Variants in SPAG16 observed in about 807,000 individuals in gnomAD.
SPAG16 encodes sperm associated antigen 16.
A neutral mutation model predicts 80.4 loss-of-function variants in SPAG16; 86 were observed. The observed-to-expected ratio is 1.07, with a 90% CI of 0.90 to 1.28. The LOEUF (loss-of-function observed/expected upper bound fraction) is 1.28, where lower values mean the gene tolerates loss of function less well. SPAG16 is among the 50% of genes most tolerant of loss of function. The probability of loss-of-function intolerance (pLI) is 0.00; values close to 1 mark genes in which losing one functional copy is unlikely to be tolerated. For synonymous variants in SPAG16, 294 were observed against 265.9 expected (o/e 1.11, Z -1.03); for missense variants, 870 against 765.3 (o/e 1.14, Z -1.61).
chr2:213,531,489 G>A (rs1045820250), intron 10 of SPAG16, among the ~76,000 whole-genome samples: 17 of 151,814 alleles, frequency 1.1e-4, no homozygotes, highest in African/African-American at 4.1e-4. Flanking sequence ...AGGCACGTGG[G>A]GAGTAGCTGC....
intron 13 of SPAG16, among the ~76,000 whole-genome samples, chr2:214,080,164 AGT>A (rs1417994690): frequency 1.3e-5 from 2 of 152,204 alleles, no homozygotes. Flanking sequence ...AGTAAACAAA[AGT>A]GAGGCTGAGA....
intron 13 of SPAG16, among the ~76,000 whole-genome samples, chr2:214,059,728 A>G (rs1365602434): frequency 6.8e-6 from 1 of 147,928 alleles, no homozygotes; most frequent in African/African-American, 2.5e-5. Flanking sequence ...TCCTCAGGTT[A>G]CTTATACCCT....
intron 11 of SPAG16, among the ~76,000 whole-genome samples, chr2:213,888,571 A>C (rs2106065100): frequency 6.6e-6 from 1 of 151,814 alleles, no homozygotes; most frequent in African/African-American, 2.4e-5. Context: ...GGACAATGTA[A>C]GTACACATGA....
chr2:214,170,800 C>T (rs972509364), intron 15 of SPAG16, among the ~76,000 whole-genome samples: 2 of 151,966 alleles, frequency 1.3e-5, no homozygotes, highest in Non-Finnish European at 2.9e-5. Flanking sequence ...TTATTGTCTG[C>T]ACACTTCAAA....
At chr2:214,099,659 A>T (rs1023242171) in intron 13 of SPAG16, among the ~76,000 whole-genome samples, 1 of 152,140 alleles carries the variant, frequency 6.6e-6, no homozygotes, top group African/African-American at 2.4e-5. Flanking sequence ...AACATGATTT[A>T]TGGTAGTTGC....
At chr2:213,915,344 T>C (rs2077903826) in intron 11 of SPAG16, among the ~76,000 whole-genome samples, 1 of 152,020 alleles carries the variant, frequency 6.6e-6, no homozygotes, top group South Asian at 2.1e-4. Flanking sequence ...GTGTTCTCAT[T>C]GTTCACCTCC....
chr2:213,537,684 T>G (rs1344423835), intron 10 of SPAG16, among the ~76,000 whole-genome samples: 1 of 152,156 alleles, frequency 6.6e-6, no homozygotes, highest in East Asian at 1.9e-4. Context: ...TTCTGTATCT[T>G]GATTTCAGTT....
chr2:213,504,592 TAAAAG>T (rs1466387809), intron 10 of SPAG16, among the ~76,000 whole-genome samples: 6 of 151,944 alleles, frequency 3.9e-5, no homozygotes, highest in Non-Finnish European at 8.8e-5. Context: ...AGACTAAAGA[TAAAAG>T]AAGTAAGGAT....
chr2:213,608,296 G>A (rs2061332730), intron 10 of SPAG16, among the ~76,000 whole-genome samples: 1 of 152,058 alleles, frequency 6.6e-6, no homozygotes, highest in Non-Finnish European at 1.5e-5. Context: ...TTAGCATTAG[G>A]TATATCTCCT....
chr2:214,221,433 A>T (rs1198830552), intron 15 of SPAG16, among the ~76,000 whole-genome samples: 2 of 152,134 alleles, frequency 1.3e-5, no homozygotes, highest in African/African-American at 2.4e-5. Flanking sequence ...CTTACTCAAG[A>T]TAAAGAAAGA....
chr2:213,395,057 G>A (rs2067963381), intron 9 of SPAG16, among the ~76,000 whole-genome samples: 1 of 152,044 alleles, frequency 6.6e-6, no homozygotes, highest in Non-Finnish European at 1.5e-5. Flanking sequence ...ATAACTGCAA[G>A]ATCTATAGTG....
chr2:213,803,967 G>T (rs907243532), intron 10 of SPAG16, among the ~76,000 whole-genome samples: 1 of 152,114 alleles, frequency 6.6e-6, no homozygotes, highest in African/African-American at 2.4e-5. Context: ...TTCCTTGAGG[G>T]GAGATCCACT....
At chr2:213,519,794 T>C (rs2075588650) in intron 10 of SPAG16, among the ~76,000 whole-genome samples, 1 of 152,176 alleles carries the variant, frequency 6.6e-6, no homozygotes, top group Admixed American at 6.5e-5. Context: ...ACACATGTTT[T>C]CATAGTATAC....
intron 13 of SPAG16, among the ~76,000 whole-genome samples, chr2:214,026,900 A>G (rs1040611772): frequency 4.6e-5 from 7 of 151,580 alleles, no homozygotes; most frequent in Admixed American, 4.6e-4. Context: ...AATCAAAGTC[A>G]TCATTTTTTT....
chr2:213,366,909 A>C (rs1275189184), intron 8 of SPAG16, among the ~76,000 whole-genome samples: 1 of 151,982 alleles, frequency 6.6e-6, no homozygotes, highest in Non-Finnish European at 1.5e-5. Flanking sequence ...TTTACATTAG[A>C]TATATCTCCT....
intron 10 of SPAG16, among the ~76,000 whole-genome samples, chr2:213,630,943 G>A (rs2062127362): frequency 6.6e-6 from 1 of 152,152 alleles, no homozygotes; most frequent in South Asian, 2.1e-4. Flanking sequence ...CTTGAGATGG[G>A]GTTGTTGTGG....
chr2:214,040,360 T>A (rs1285122220), intron 13 of SPAG16, among the ~76,000 whole-genome samples: 1 of 152,172 alleles, frequency 6.6e-6, no homozygotes, highest in Non-Finnish European at 1.5e-5. Context: ...GGTATACTTG[T>A]GTCATAGGGG....
chr2:213,676,440 A>C (rs977673234), intron 10 of SPAG16, among the ~76,000 whole-genome samples: 17 of 149,086 alleles, frequency 1.1e-4, no homozygotes, highest in African/African-American at 3.5e-4. Flanking sequence ...GCGGTGAGAG[A>C]GGGCATCCCT....
chr2:213,641,904 A>G (rs1694803070), intron 10 of SPAG16, among the ~76,000 whole-genome samples: 1 of 152,224 alleles, frequency 6.6e-6, no homozygotes, highest in Non-Finnish European at 1.5e-5. Flanking sequence ...AGCAGGAGAT[A>G]GTGTGAACAT....
Sources: gnomAD v4.1 joint callset for allele counts (sites outside exome capture counted in the v4.1 genomes callset) on GRCh38, gnomAD v4.1.1 for gene constraint, MANE v1.5 for transcripts, NCBI Gene and HGNC (gene_info 2026-07-23, HGNC 2026-07-21) for gene names.